Variants in ALS2CL observed in about 807,000 individuals in gnomAD.
ALS2CL encodes the protein ALS2 C-terminal like, also known as ALS2 C-terminal-like protein.
Under a neutral mutation model 127.9 loss-of-function variants are expected in ALS2CL, and 112 were observed. The observed-to-expected ratio is 0.88, with a 90% CI of 0.75 to 1.02. The LOEUF (loss-of-function observed/expected upper bound fraction) is 1.02, where lower values mean the gene tolerates loss of function less well. Among genes scored for constraint, ALS2CL ranks in the 50% least tolerant of loss-of-function variants. ALS2CL has a pLI of 0.00. For synonymous variants in ALS2CL, 519 were observed against 527.6 expected, an observed-to-expected ratio of 0.98 and a Z score of 0.22; for missense variants, 1,174 against 1,236.7, an observed-to-expected ratio of 0.95 and a Z score of 0.76.
intron 14 of ALS2CL, 39 bp from the exon 15 acceptor site, chr3:46,679,326 T>A: frequency 6.6e-7 from 1 of 1,510,928 alleles, no homozygotes; most frequent in Non-Finnish European, 9.0e-7. Flanking sequence ...AAAGGGTGGG[T>A]GAGGAAGGGC....
At position 46,687,000 on chromosome 3, in the gene ALS2CL, C is replaced by T. The variant is rs548950790; in HGVS notation, c.517G>A (p.Gly173Arg). 7.1e-5 allele frequency: 114 copies of T among 1,600,434 alleles called. No individual in the cohort carries two copies. In the South Asian group the frequency reaches 8.9e-4, roughly 12 times the overall value. ...GTACCCACCTCCCCAATGGTGTCCC[C>T]GAGGCTCAGCAGGAGGAGCACGTAC... ...QQYVLLLLSL[G>R]DTIGEHHPTR... Residue 173 changes from glycine (G) to arginine (R), a missense_variant, in exon 5 of 26, where the codon GGG (glycine) becomes AGG (arginine). Coordinates refer to ENST00000318962, the MANE Select transcript of ALS2CL (RefSeq NM_147129.5). The surrounding 1 kb of genome is among the most constrained non-coding windows in gnomAD (Gnocchi z 4.3).
chr3:46,686,973 T>C lies in ALS2CL; in HGVS notation c.534+10A>G. ...CGGCTTCCCCACATGCTGCTGCCCCTGGTACCCACCTCCCCAATGGTGTCC... is the reference window on the plus strand; with the variant it reads ...CGGCTTCCCCACATGCTGCTGCCCCCGGTACCCACCTCCCCAATGGTGTCC... On this transcript the variant is annotated intron_variant, in intron 5 of 25. Transcript: ENST00000318962. The surrounding 1 kb of genome is among the most constrained non-coding windows in gnomAD (Gnocchi z 4.3). The C allele has an allele frequency of 6.3e-7, 1 of 1,580,688 alleles. No homozygotes were observed. Among genetic ancestry groups the C allele is most frequent in the African/African-American group, 1.3e-5 (1 of 74,080 alleles).
In ALS2CL at chr3:46,686,451, C is replaced by T. The variant is rs777706326; in HGVS notation, c.535-12G>A. ...CGGGTTGGGTGATGCTGAAGGGGGA[C>T]AGGGCAGCCAGTGAGAGGAGAGCTT... On this transcript the variant is annotated splice_polypyrimidine_tract_variant and intron_variant, in intron 5 of 25. Transcript: ENST00000318962. This position sits in a 1 kb window ranked among gnomAD's most constrained non-coding sequence, Gnocchi z 4.3. 2 of 1,609,270 alleles carry T rather than the reference C, an allele frequency of 1.2e-6. No individual in the cohort carries two copies. The highest frequency in any genetic ancestry group is 1.7e-6 in the Non-Finnish European group (2 of 1,177,630).
Position 46,672,197 on chromosome 3 carries a change from T to C in ALS2CL, c.2477A>G (p.Tyr826Cys), listed in dbSNP as rs201683237. The C allele has an allele frequency of 5.0e-6, 8 of 1,613,834 alleles. No homozygotes were observed. Among genetic ancestry groups the C allele is most frequent in the African/African-American group, 4.0e-5 (3 of 74,966 alleles). The change falls in exon 23 of 26, where the codon TAC becomes TGC. Residue 826 changes from tyrosine (Y) to cysteine (C), a missense_variant. Transcript: ENST00000318962. ...KDLTLTSNQR[Y>C]SLVRDKCFLS... ...GAAACACTTGTCCCTGACCAGGGAG[T>C]ACCTCTGCATGGTGGAGGGAGTGGG...
Position 46,686,915 on chromosome 3 carries a change from C to A in ALS2CL, c.534+68G>T, listed in dbSNP as rs532919240. 12 of 1,448,290 alleles carry A rather than the reference C, an allele frequency of 8.3e-6. No homozygotes were observed. In the Admixed American group the frequency reaches 2.8e-4, roughly 34 times the overall value. 89.7% of individuals were successfully genotyped at this position (1,448,290 alleles called of 1,614,324 possible). A position where few individuals can be genotyped will look rare whatever the true frequency, so the allele number is the denominator to read the frequency against. ...TAGGGTTCCTGAGTATAGGCTGAGCCCCCTGAGTCTGGGCCCTATCCCTCC... is the reference window on the plus strand; with the variant it reads ...TAGGGTTCCTGAGTATAGGCTGAGCACCCTGAGTCTGGGCCCTATCCCTCC... On this transcript the variant is annotated intron_variant, in intron 5 of 25. Transcript: ENST00000318962. This position sits in a 1 kb window ranked among gnomAD's most constrained non-coding sequence, Gnocchi z 4.3.
intron 15 of ALS2CL, among the ~76,000 whole-genome samples, chr3:46,678,992 C>A (rs964756414): frequency 1.3e-5 from 2 of 152,194 alleles, no homozygotes; most frequent in African/African-American, 2.4e-5. Flanking sequence ...CACCGGTACC[C>A]TCTGGATAGC....
rs1310074403 is a variant in ALS2CL, at chr3:46,688,208, C to T, written c.192G>A (p.Thr64=). 9.3e-6 allele frequency: 15 copies of T among 1,612,964 alleles called. No homozygotes were observed. The highest frequency in any genetic ancestry group is 4.0e-5 in the African/African-American group (3 of 74,916). ...CCTGCAGTGAGTGCAGGCTTTCCTC[C>T]GTCACCTCCCAGAGTTGCTGGGAGC... is the stretch of plus-strand genomic sequence containing the variant. ...HKSSQQLWEV[T]EESLHSLQER... The change falls in exon 3 of 26, where the codon ACG becomes ACA. Residue 64 remains threonine (T), a synonymous_variant. Transcript: ENST00000318962.
chr3:46,681,890 G>C lies in ALS2CL; in HGVS notation c.1175+139C>G, dbSNP rs1254455188. On this transcript the variant is annotated intron_variant, in intron 11 of 25. Coordinates refer to ENST00000318962, the MANE Select transcript of ALS2CL (RefSeq NM_147129.5). This position sits in a 1 kb window ranked among gnomAD's most constrained non-coding sequence, Gnocchi z 4.9. ...GGTTCCCCTTTGGTACAGTGGGCGG[G>C]GGCTGGACCGGATTGTCTCTAAGTT... 2 of 1,116,512 alleles carry C rather than the reference G, an allele frequency of 1.8e-6. No homozygotes were observed. The highest frequency in any genetic ancestry group is 2.6e-6 in the Non-Finnish European group (2 of 771,604). The allele number at this position is 1,116,512 out of a possible 1,614,324, so 69.2% of individuals were successfully genotyped here.
At position 46,686,498 on chromosome 3, in the gene ALS2CL, G is replaced by A. The variant is rs1474871850; in HGVS notation, c.535-59C>T. 3 of 1,564,934 alleles carry A rather than the reference G, an allele frequency of 1.9e-6. No homozygotes were observed. The highest frequency in any genetic ancestry group is 2.6e-6 in the Non-Finnish European group (3 of 1,153,514). ...GCTTACTGGAATCTTCCCTAGCCCA[G>A]TCCTGGTCCCGGCTGGTGGGGAGGC... is the stretch of plus-strand genomic sequence containing the variant. On this transcript the variant is annotated intron_variant, in intron 5 of 25. Transcript: ENST00000318962. This position sits in a 1 kb window ranked among gnomAD's most constrained non-coding sequence, Gnocchi z 4.3.
rs748358177 is a variant in ALS2CL at position 46,690,837 on chromosome 3, CGA to C, written c.-25-1374_-25-1373del. On this transcript the variant is annotated intron_variant, in intron 1 of 25. Coordinates refer to ENST00000318962, the MANE Select transcript of ALS2CL (RefSeq NM_147129.5). ...CAGCCCTCCCCTCTCCACCCTGCCC[CGA>C]GAGTGCCATGCGGGCATCCCAGGCC... 4.6e-5 allele frequency among the ~76,000 whole-genome samples: 7 copies of C among 152,194 alleles called. No homozygotes were observed. The South Asian group carries it at 6.2e-4, about 14-fold the overall frequency.
chr3:46,681,342 A>G lies in ALS2CL; in HGVS notation c.1340T>C (p.Leu447Pro), dbSNP rs1315322650. The change falls in exon 13 of 26, where the codon CTT becomes CCT. Residue 447 changes from leucine (L) to proline (P), a missense_variant. Physicochemically the swap from Leu to Pro is moderately conservative, Grantham distance 98 (BLOSUM62 -3). Transcript: ENST00000318962. The surrounding 1 kb of genome is among the most constrained non-coding windows in gnomAD (Gnocchi z 4.9). ...CTGGGGGGCCTGCGGACCACTCTCA[A>G]GGACCCCAAATCCGTGCCGCAGGCC... is the stretch of plus-strand genomic sequence containing the variant. ...QEGLRHGFGV[L>P]ESGPQAPQPF... 1.2e-6 allele frequency: 2 copies of G among 1,612,684 alleles called. No homozygotes were observed. The highest frequency in any genetic ancestry group is 1.7e-6 in the Non-Finnish European group (2 of 1,179,088).
intron 7 of ALS2CL, among the ~76,000 whole-genome samples, chr3:46,684,840 G>T (rs1456916735): frequency 6.6e-6 from 1 of 152,182 alleles, no homozygotes; most frequent in African/African-American, 2.4e-5. Context: ...CCAAAATCAG[G>T]CTTCAGGGGA....
chr3:46,670,883 A>G lies in ALS2CL; in HGVS notation c.*101T>C, dbSNP rs1423458770. ...CAAAACAAAATGCTCATCTCCTCCA[A>G]GAGCTGCTTCTGAGGGCCTGTCCTG... is the stretch of plus-strand genomic sequence containing the variant. On this transcript the variant is annotated 3_prime_UTR_variant, in exon 26 of 26. Coordinates refer to ENST00000318962, the MANE Select transcript of ALS2CL (RefSeq NM_147129.5). This position sits in a 1 kb window ranked among gnomAD's most constrained non-coding sequence, Gnocchi z 5.5. 8.0e-6 allele frequency: 10 copies of G among 1,243,188 alleles called. No individual in the cohort carries two copies. Among genetic ancestry groups the G allele is most frequent in the African/African-American group, 1.5e-5 (1 of 67,394 alleles). The allele number at this position is 1,243,188 out of a possible 1,614,324, so 77.0% of individuals were successfully genotyped here. A position where few individuals can be genotyped will look rare whatever the true frequency, so the allele number is the denominator to read the frequency against.
At position 46,669,325 on chromosome 3, in the gene ALS2CL, C is replaced by T. The variant is rs1401408966; in HGVS notation, c.*1659G>A. On this transcript the variant is annotated 3_prime_UTR_variant, in exon 26 of 26. Coordinates refer to ENST00000318962, the MANE Select transcript of ALS2CL (RefSeq NM_147129.5). ...GAGCCACTGTGCCCAGCCAGAGGCT[C>T]CAGTTCCACTGGTGTTGGGTGAGGC... The T allele has an allele frequency of 6.6e-6, 1 of 152,260 alleles. No homozygotes were observed. The highest frequency in any genetic ancestry group is 1.9e-4 in the East Asian group (1 of 5,194). The allele number at this position is 152,260 out of a possible 1,614,324, so 9.4% of individuals were successfully genotyped here.
Position 46,686,581 on chromosome 3 carries a change from G to T in ALS2CL, c.535-142C>A. On this transcript the variant is annotated intron_variant, in intron 5 of 25. Transcript: ENST00000318962. The surrounding 1 kb of genome is among the most constrained non-coding windows in gnomAD (Gnocchi z 4.3). ...CTGACAGCTCCTCTTCTGCTGGTGG[G>T]GCAGGGGGTGGAATATGAAGGTGCT... 8.2e-7 allele frequency: 1 copy of T among 1,215,662 alleles called. No homozygotes were observed. Among genetic ancestry groups the T allele is most frequent in the Non-Finnish European group, 1.1e-6 (1 of 886,636 alleles). The allele number at this position is 1,215,662 out of a possible 1,614,324, so 75.3% of individuals were successfully genotyped here. A position where few individuals can be genotyped will look rare whatever the true frequency, so the allele number is the denominator to read the frequency against.
chr3:46,674,135 T>C (rs1463125516), intron 21 of ALS2CL, among the ~76,000 whole-genome samples: 1 of 152,172 alleles, frequency 6.6e-6, no homozygotes, highest in Non-Finnish European at 1.5e-5. Flanking sequence ...GAGCAGGTGA[T>C]CTTGCCCCAG....
rs145856962 is a variant in ALS2CL, at chr3:46,690,258, A to G, written c.-25-793T>C. ...TAAATGTATGACAGTTGTAGAGGAG[A>G]TAGTGCCAGGCAGTGAGAGAGAGTT... On this transcript the variant is annotated intron_variant, in intron 1 of 25. Coordinates refer to ENST00000318962, the MANE Select transcript of ALS2CL (RefSeq NM_147129.5). 7.2e-3 allele frequency among the ~76,000 whole-genome samples: 1,094 copies of G among 152,328 alleles called. 7 individuals are homozygous for G. Among genetic ancestry groups the G allele is most frequent in the Admixed American group, 0.01 (160 of 15,312 alleles).
rs1157881315 is a variant in ALS2CL at position 46,689,337 on chromosome 3, C to T, written c.103+1G>A. 1 of 1,612,772 alleles carries T rather than the reference C, an allele frequency of 6.2e-7. No homozygotes were observed. Reference sequence around the variant, plus strand: ...CTCCCCACTAGAAAGCCTAGACTCACCGGCTGGGAGCAGGGGCTGGAGGAC... The same window carrying T: ...CTCCCCACTAGAAAGCCTAGACTCATCGGCTGGGAGCAGGGGCTGGAGGAC... On this transcript the variant is annotated splice_donor_variant, in intron 2 of 25. Coordinates refer to ENST00000318962, the MANE Select transcript of ALS2CL (RefSeq NM_147129.5). LOFTEE classifies it high-confidence loss of function.
rs758617010 is a variant in ALS2CL, at chr3:46,681,615, G to T, written c.1176-17C>A. ...ATGCCGAAGCTGACAGCATGGTTGT[G>T]GGGGTGGGGATCAGCCCTGACCTGA... On this transcript the variant is annotated splice_polypyrimidine_tract_variant and intron_variant, in intron 11 of 25. Transcript: ENST00000318962. This position sits in a 1 kb window ranked among gnomAD's most constrained non-coding sequence, Gnocchi z 4.9. The T allele has an allele frequency of 8.1e-6, 13 of 1,613,434 alleles. No individual in the cohort carries two copies. The highest frequency in any genetic ancestry group is 1.0e-5 in the Non-Finnish European group (12 of 1,179,642).
Sources: gnomAD v4.1 joint callset for allele counts (sites outside exome capture counted in the v4.1 genomes callset) on GRCh38, gnomAD v4.1.1 for gene constraint, Gnocchi (gnomAD v3.1) non-coding constraint, MANE v1.5 for transcripts, NCBI Gene and HGNC (gene_info 2026-07-23, HGNC 2026-07-21) for gene names.